Variants in ETV5 observed in about 807,000 individuals in gnomAD.
ETV5 encodes ETS variant transcription factor 5.
A neutral mutation model predicts 70.0 loss-of-function variants in ETV5; 10 were observed. That is an observed-to-expected ratio of 0.14 (90% confidence interval 0.09 to 0.24). The LOEUF (loss-of-function observed/expected upper bound fraction) is 0.24. ETV5 is among the 10% of genes least tolerant of loss of function. ETV5 has a pLI of 1.00. For missense variants in ETV5, 453 were observed against 651.2 expected, an observed-to-expected ratio of 0.70 and a Z score of 3.31; for synonymous variants, 216 against 242.2, an observed-to-expected ratio of 0.89 and a Z score of 1.01.
chr3:186,048,594 G>A lies in ETV5; in HGVS notation c.*45C>T. ...AACCACTGCCCTTGTTTGCCTGAAT[G>A]GGAACTGCTAGCTCTAGGGTTTGGC... On this transcript the variant is annotated 3_prime_UTR_variant, in exon 13 of 13. Transcript: ENST00000306376. 6.5e-7 allele frequency: 1 copy of A among 1,546,038 alleles called. No homozygotes were observed. The highest frequency in any genetic ancestry group is 8.9e-7 in the Non-Finnish European group (1 of 1,119,496).
At chr3:186,083,977 G>A (rs892388405) in intron 5 of ETV5, among the ~76,000 whole-genome samples, 6 of 152,178 alleles carry the variant, frequency 3.9e-5, no homozygotes, top group African/African-American at 1.4e-4. Flanking sequence ...GCATGTGTTA[G>A]TCAGAGATAG....
intron 7 of ETV5, among the ~76,000 whole-genome samples, chr3:186,072,844 A>C (rs986237311): frequency 6.6e-6 from 1 of 152,338 alleles, no homozygotes; most frequent in Admixed American, 6.5e-5. Flanking sequence ...ATATAACATT[A>C]ATAACTTTGG....
chr3:186,047,769 A>G lies in ETV5; in HGVS notation c.*870T>C. ...GCCCTGGCTAAAGGACACAGTGCAC[A>G]GTTACCAAAAGGTTTGTTTTTGTTT... On this transcript the variant is annotated 3_prime_UTR_variant, in exon 13 of 13. Transcript: ENST00000306376. 1 of 227,206 alleles carries G rather than the reference A, an allele frequency of 4.4e-6. No homozygotes were observed. The highest frequency in any genetic ancestry group is 6.1e-5 in the East Asian group (1 of 16,506). The allele number at this position is 227,206 out of a possible 1,614,324, so 14.1% of individuals were successfully genotyped here.
Sources: gnomAD v4.1 joint callset for allele counts (sites outside exome capture counted in the v4.1 genomes callset) on GRCh38, gnomAD v4.1.1 for gene constraint, MANE v1.5 for transcripts, NCBI Gene and HGNC (gene_info 2026-07-23, HGNC 2026-07-21) for gene names.